Variants in SVIL observed in about 807,000 individuals in gnomAD.
SVIL encodes archvillin.
In SVIL, 101 loss-of-function variants were observed where a neutral mutation model predicts 240.4. The observed-to-expected ratio is 0.42, with a 90% CI of 0.36 to 0.50. The LOEUF (loss-of-function observed/expected upper bound fraction) is 0.50. Ranked by LOEUF, SVIL falls within the 20% of genes least tolerant of loss-of-function variation. The probability of loss-of-function intolerance (pLI) is 0.01; values close to 1 mark genes in which losing one functional copy is unlikely to be tolerated. For missense variants in SVIL, 2,512 were observed against 2,818.7 expected, an observed-to-expected ratio of 0.89 and a Z score of 2.46; for synonymous variants, 999 against 1,100.0, an observed-to-expected ratio of 0.91 and a Z score of 1.82.
In SVIL at chr10:29,484,725, C is replaced by A; in HGVS notation, c.4886G>T (p.Gly1629Val). 6.2e-7 allele frequency: 1 copy of A among 1,614,020 alleles called. No individual in the cohort carries two copies. Residue 1629 changes from glycine (G) to valine (V), a missense_variant, in exon 27 of 38, where the codon GGA (glycine) becomes GTA (valine). Physicochemically the swap from Gly to Val is moderately radical, Grantham distance 109. This residue lies in a region of SVIL where 797 missense variants were observed against 925.3 expected (regional missense o/e 0.86). Transcript: ENST00000355867. The surrounding 1 kb of genome is among the most constrained non-coding windows in gnomAD (Gnocchi z 4.7). Reference protein sequence around the residue: ...AFQLAKHLWNGTFDYENCDIN... With the variant: ...AFQLAKHLWNVTFDYENCDIN... The stretch of plus-strand genomic sequence containing the variant: ...GTCACAGTTCTCATAGTCAAAGGTT[C>A]CATTCCATAAGTGCTTTGCCAGCTG...
chr10:29,707,524 T>C (rs1182473244), intron 1 of SVIL, among the ~76,000 whole-genome samples: 2 of 152,222 alleles, frequency 1.3e-5, no homozygotes, highest in Admixed American at 1.3e-4. Context: ...TTGTATGCCA[T>C]TAATTTGCCC....
intron 1 of SVIL, among the ~76,000 whole-genome samples, chr10:29,574,383 C>T (rs1051278510): frequency 5.9e-5 from 9 of 152,040 alleles, no homozygotes; most frequent in Non-Finnish European, 1.0e-4. Context: ...CATATGACAT[C>T]GGGCCATGGT....
At chr10:29,531,117 A>G in intron 10 of SVIL, 137 bp downstream of exon 10, 1 of 806,062 alleles carries the variant, frequency 1.2e-6, no homozygotes, top group Non-Finnish European at 1.9e-6. Flanking sequence ...TATCATATCC[A>G]CAGAACGAAA....
chr10:29,530,158 A>G (rs946007964), intron 11 of SVIL, among the ~76,000 whole-genome samples: 19 of 152,202 alleles, frequency 1.2e-4, no homozygotes, highest in African/African-American at 4.6e-4. Context: ...TGAGTGAGAG[A>G]GTGAGACCCT....
chr10:29,509,782 G>A (rs549186197), intron 17 of SVIL, among the ~76,000 whole-genome samples: 176 of 152,260 alleles, frequency 1.2e-3, no homozygotes, highest in Non-Finnish European at 2.0e-3. Flanking sequence ...CCCAGGAGGC[G>A]GAGGTTGCGG....
chr10:29,509,549 A>G (rs755460766), intron 17 of SVIL, among the ~76,000 whole-genome samples: 1 of 152,150 alleles, frequency 6.6e-6, no homozygotes, highest in Non-Finnish European at 1.5e-5. Flanking sequence ...ATCTTTTAGT[A>G]TAGAAATGAA....
intron 1 of SVIL, among the ~76,000 whole-genome samples, chr10:29,588,840 A>G (rs1193995692): frequency 6.6e-6 from 1 of 152,168 alleles, no homozygotes; most frequent in Non-Finnish European, 1.5e-5. Context: ...TTCACATGTA[A>G]AATGTAGATT....
At chr10:29,589,725 C>A (rs186437424) in intron 1 of SVIL, among the ~76,000 whole-genome samples, 4 of 152,196 alleles carry the variant, frequency 2.6e-5, no homozygotes, top group Non-Finnish European at 5.9e-5. Flanking sequence ...CTGGAGTTGC[C>A]GAGAGACCTT....
chr10:29,525,745 C>T (rs1367354363), intron 13 of SVIL, among the ~76,000 whole-genome samples: 4 of 152,098 alleles, frequency 2.6e-5, no homozygotes, highest in African/African-American at 7.2e-5. Context: ...TGTCCCTGAC[C>T]GATCCAATTG....
intron 1 of SVIL, among the ~76,000 whole-genome samples, chr10:29,588,198 C>T (rs1956245747): frequency 6.6e-6 from 1 of 151,672 alleles, no homozygotes; most frequent in Admixed American, 6.6e-5. Flanking sequence ...TGCCGAACCA[C>T]AGCAAAATTA....
At chr10:29,540,491 G>A (rs1952066519) in intron 6 of SVIL, among the ~76,000 whole-genome samples, 1 of 152,172 alleles carries the variant, frequency 6.6e-6, no homozygotes, top group African/African-American at 2.4e-5. Context: ...AGGTGCAAGG[G>A]AAAAAGGACA....
At chr10:29,462,113 TCTC>T (rs1944327658) in intron 36 of SVIL, among the ~76,000 whole-genome samples, 161 bp downstream of exon 36, 1 of 152,246 alleles carries the variant, frequency 6.6e-6, no homozygotes, top group Non-Finnish European at 1.5e-5. Flanking sequence ...CCATTAGACT[TCTC>T]TTCTTCCTAA....
intron 1 of SVIL, among the ~76,000 whole-genome samples, chr10:29,572,075 A>T (rs1427595902): frequency 6.6e-6 from 1 of 152,232 alleles, no homozygotes; most frequent in Non-Finnish European, 1.5e-5. Flanking sequence ...TCTCCTTCTA[A>T]AATGGGTGTG....
intron 3 of SVIL, among the ~76,000 whole-genome samples, chr10:29,646,009 G>A (rs1958643110): frequency 6.6e-6 from 1 of 152,318 alleles, no homozygotes; most frequent in East Asian, 1.9e-4. Context: ...TACCCCTAGT[G>A]ACATGGGCCC....
At chr10:29,590,790 AG>A (rs1196829843) in intron 1 of SVIL, among the ~76,000 whole-genome samples, 4 of 152,190 alleles carry the variant, frequency 2.6e-5, no homozygotes, top group African/African-American at 9.7e-5. Context: ...CACATCTAAG[AG>A]TATCAGTTGA....
chr10:29,644,789 T>C (rs1000144445), intron 3 of SVIL, among the ~76,000 whole-genome samples: 11 of 152,048 alleles, frequency 7.2e-5, no homozygotes, highest in Non-Finnish European at 1.5e-4. Context: ...ACAGCACGAG[T>C]GGGAACTTCC....
At chr10:29,624,732 G>A (rs182974507) in intron 1 of SVIL, among the ~76,000 whole-genome samples, 31 of 152,152 alleles carry the variant, frequency 2.0e-4, no homozygotes, top group Admixed American at 2.0e-3. Flanking sequence ...TAGCCAGGGA[G>A]ATGCTGCATG....
intron 1 of SVIL, among the ~76,000 whole-genome samples, chr10:29,692,604 A>G (rs1041681203): frequency 1.1e-4 from 17 of 150,940 alleles, no homozygotes; most frequent in Non-Finnish European, 2.1e-4. Context: ...CCTTATATAT[A>G]TATAACAATA....
intron 1 of SVIL, among the ~76,000 whole-genome samples, chr10:29,717,860 C>T (rs1203237341): frequency 6.6e-6 from 1 of 151,880 alleles, no homozygotes; most frequent in Non-Finnish European, 1.5e-5. Context: ...TAAATATAGA[C>T]CAAGTATTTC....
Sources: allele counts gnomAD v4.1 joint callset (sites outside exome capture counted in the v4.1 genomes callset), GRCh38; gene constraint gnomAD v4.1.1; regional missense constraint gnomAD v4.1.1; non-coding constraint Gnocchi (gnomAD v3.1); transcripts MANE v1.5; gene names NCBI Gene and HGNC (gene_info 2026-07-23, HGNC 2026-07-21).